The following MED12L variants were observed in gnomAD, a reference collection of about 807,000 sequenced individuals.
The protein encoded by MED12L is mediator of RNA polymerase II transcription subunit 12-like protein.
In MED12L, 60 loss-of-function variants were observed where a neutral mutation model predicts 281.3. The observed-to-expected ratio is 0.21, with a 90% CI of 0.17 to 0.26. The LOEUF is 0.26. Ranked by LOEUF, MED12L falls within the 10% of genes least tolerant of loss-of-function variation. The pLI, the probability that MED12L is intolerant of heterozygous loss-of-function variation, is 1.00. For missense variants in MED12L, 2,146 were observed against 2,680.9 expected, an observed-to-expected ratio of 0.80 and a Z score of 4.41; for synonymous variants, 974 against 987.2, an observed-to-expected ratio of 0.99 and a Z score of 0.25.
At chr3:151,216,611 G>T (rs1414159613) in intron 16 of MED12L, among the ~76,000 whole-genome samples, 6 of 152,136 alleles carry the variant, frequency 3.9e-5, no homozygotes, top group Admixed American at 3.9e-4. Flanking sequence ...CCTATAGAAG[G>T]AATGAGTACC....
chr3:151,368,057 T>TA, intron 24 of MED12L, 93 bp from the exon 25 acceptor site: 1 of 623,156 alleles, frequency 1.6e-6, no homozygotes, highest in South Asian at 2.4e-5. Flanking sequence ...TTTATTTAAA[T>TA]AATTATTCCA....
At chr3:151,379,425 C>T (rs754753192) in intron 31 of MED12L, among the ~76,000 whole-genome samples, 5 of 152,214 alleles carry the variant, frequency 3.3e-5, no homozygotes, top group Non-Finnish European at 7.3e-5. Context: ...TGATTATTCT[C>T]TAATTGAAGA....
chr3:151,091,354 G>C (rs184357762), intron 2 of MED12L, among the ~76,000 whole-genome samples: 9 of 152,204 alleles, frequency 5.9e-5, no homozygotes, highest in Admixed American at 1.3e-4. Flanking sequence ...TACCCTGAAG[G>C]CTGGTTGAAA....
intron 16 of MED12L, among the ~76,000 whole-genome samples, chr3:151,310,902 G>A (rs1230997971): frequency 6.6e-6 from 1 of 152,162 alleles, no homozygotes; most frequent in African/African-American, 2.4e-5. Context: ...TATGGGAAAT[G>A]TACCATCTCT....
At chr3:151,296,007 A>G (rs1745040453) in intron 16 of MED12L, among the ~76,000 whole-genome samples, 1 of 152,198 alleles carries the variant, frequency 6.6e-6, no homozygotes, top group African/African-American at 2.4e-5. Context: ...ATGCATTTGT[A>G]TAGTCAGGAG....
intron 16 of MED12L, among the ~76,000 whole-genome samples, chr3:151,279,094 C>A (rs969651338): frequency 2.0e-5 from 3 of 152,116 alleles, no homozygotes; most frequent in Admixed American, 6.5e-5. Flanking sequence ...ACTATTAGTG[C>A]CATTAGATTT....
Position 151,133,610 on chromosome 3 carries a change from A to G in MED12L, c.556+5626A>G, listed in dbSNP as rs540893626. Among the ~76,000 whole-genome samples the G allele has an allele frequency of 9.8e-5, 15 of 152,330 alleles. No individual in the cohort carries two copies. The South Asian group carries it at 3.1e-3, about 32-fold the overall frequency. Reference sequence around the variant, plus strand: ...TTAGTCCTTGTGAGACCTGAAAAAAAAAAAAGGTTTAGGTGGACACGATGT... The same window carrying G: ...TTAGTCCTTGTGAGACCTGAAAAAAGAAAAAGGTTTAGGTGGACACGATGT... On this transcript the variant is annotated intron_variant, in intron 5 of 44. Coordinates refer to ENST00000687756, the MANE Select transcript of MED12L (RefSeq NM_001393769.1).
chr3:151,294,692 G>A (rs775223254), intron 16 of MED12L: 1 of 1,614,136 alleles, frequency 6.2e-7, no homozygotes, highest in Non-Finnish European at 8.5e-7. Context: ...ATTGTCCTCT[G>A]TTGGCTGACC....
chr3:151,362,474 T>A (rs1754730327), intron 21 of MED12L, among the ~76,000 whole-genome samples: 1 of 152,090 alleles, frequency 6.6e-6, no homozygotes, highest in African/African-American at 2.4e-5. Context: ...TGTCCTCAGT[T>A]ACTTGTGTGC....
intron 16 of MED12L, among the ~76,000 whole-genome samples, chr3:151,216,073 C>T (rs1223414744): frequency 1.3e-5 from 2 of 152,228 alleles, no homozygotes; most frequent in Non-Finnish European, 1.5e-5. Context: ...CTCCTATCAA[C>T]ACTCCTCTCT....
At chr3:151,397,573 G>T (rs1460589751) in intron 39 of MED12L, among the ~76,000 whole-genome samples, 1 of 152,110 alleles carries the variant, frequency 6.6e-6, no homozygotes, top group African/African-American at 2.4e-5. Flanking sequence ...AAATTCTTCT[G>T]ATAATCCTTC....
intron 16 of MED12L, among the ~76,000 whole-genome samples, chr3:151,254,164 T>C (rs1306546167): frequency 6.6e-6 from 1 of 152,204 alleles, no homozygotes; most frequent in African/African-American, 2.4e-5. Context: ...TTTTAGGTAT[T>C]AGTGCCTGTA....
intron 2 of MED12L, among the ~76,000 whole-genome samples, chr3:151,089,254 A>T (rs1719696384): frequency 6.6e-6 from 1 of 152,238 alleles, no homozygotes. Context: ...ACATGCACAC[A>T]CGTATATGAT....
intron 11 of MED12L, among the ~76,000 whole-genome samples, chr3:151,171,256 G>A (rs887207522): frequency 1.3e-5 from 2 of 152,160 alleles, no homozygotes; most frequent in Non-Finnish European, 2.9e-5. Context: ...TGTCACTTGT[G>A]ACCTCACCTC....
rs1264665288 is a variant in MED12L at position 151,394,849 on chromosome 3, G to C, written c.5802G>C (p.Gln1934His). The C allele has an allele frequency of 4.3e-6, 7 of 1,614,072 alleles. No individual in the cohort carries two copies. In the South Asian group the frequency reaches 7.7e-5, roughly 18 times the overall value. The change falls in exon 39 of 45, where the codon CAG (glutamine) becomes CAC (histidine). Residue 1934 changes from glutamine to histidine, a missense_variant. Gln to His is a conservative substitution (Grantham distance 24). Transcript: ENST00000687756. ...QQQQRLLRQA[Q>H]TRPFQQGQPG... ...AACAGCGACTTCTCAGGCAAGCCCA[G>C]ACTCGGCCTTTCCAACAGGTTTGTC...
intron 2 of MED12L, among the ~76,000 whole-genome samples, chr3:151,114,079 A>G (rs1056994447): frequency 7.2e-5 from 11 of 152,180 alleles, no homozygotes; most frequent in African/African-American, 2.7e-4. Flanking sequence ...TCTTAGACTC[A>G]GAGACTACTG....
chr3:151,237,863 T>A (rs1733242508), intron 16 of MED12L, among the ~76,000 whole-genome samples: 1 of 152,222 alleles, frequency 6.6e-6, no homozygotes. Context: ...CTATGAAATG[T>A]CTAGTCACAT....
chr3:151,395,282 G>A (rs978844243), intron 39 of MED12L, among the ~76,000 whole-genome samples: 1 of 152,060 alleles, frequency 6.6e-6, no homozygotes, highest in Admixed American at 6.5e-5. Flanking sequence ...TGTCTCTGAA[G>A]CCCTGATGTT....
chr3:151,237,142 A>G (rs1732993462), intron 16 of MED12L, among the ~76,000 whole-genome samples: 1 of 150,796 alleles, frequency 6.6e-6, no homozygotes, highest in Non-Finnish European at 1.5e-5. Flanking sequence ...CCCAGGTTCA[A>G]GCGATTCTGC....
Sources: gnomAD v4.1 joint callset for allele counts (sites outside exome capture counted in the v4.1 genomes callset) on GRCh38, gnomAD v4.1.1 for gene constraint, MANE v1.5 for transcripts, NCBI Gene and HGNC (gene_info 2026-07-23, HGNC 2026-07-21) for gene names.